The following TNFRSF10A variants were observed in gnomAD, a reference collection of about 807,000 sequenced individuals.
TNFRSF10A encodes tumor necrosis factor receptor superfamily member 10A.
In TNFRSF10A, 44 loss-of-function variants were observed where a neutral mutation model predicts 42.8. That is an observed-to-expected ratio of 1.03 (90% CI 0.81 to 1.32). The LOEUF (loss-of-function observed/expected upper bound fraction) is 1.32, where lower values mean the gene tolerates loss of function less well. Ranked by LOEUF, TNFRSF10A falls within the 40% of genes most tolerant of loss-of-function variation. The pLI, the probability that TNFRSF10A is intolerant of heterozygous loss-of-function variation, is 0.00. For missense variants in TNFRSF10A, 680 were observed against 602.0 expected (o/e 1.13, Z -1.36); for synonymous variants, 259 against 234.2 (o/e 1.11, Z -0.97).
intron 8 of TNFRSF10A, among the ~76,000 whole-genome samples, chr8:23,198,541 A>G (rs1800857477): frequency 6.6e-6 from 1 of 152,232 alleles, no homozygotes; most frequent in Non-Finnish European, 1.5e-5. Context: ...CTGAGAGACA[A>G]GACACTGATC....
chr8:23,215,732 G>A (rs1331745819), intron 1 of TNFRSF10A, among the ~76,000 whole-genome samples: 1 of 151,960 alleles, frequency 6.6e-6, no homozygotes, highest in African/African-American at 2.4e-5. Context: ...AATGGCTGTA[G>A]AGTTTGTAAT....
intron 1 of TNFRSF10A, 97 bp from the exon 2 acceptor site, chr8:23,212,309 G>C: frequency 9.7e-7 from 1 of 1,033,604 alleles, no homozygotes; most frequent in Non-Finnish European, 1.5e-6. Context: ...TCCAAAATTA[G>C]ACAGAACTTG....
chr8:23,203,787 T>C (rs1284613316), intron 2 of TNFRSF10A, among the ~76,000 whole-genome samples: 1 of 150,158 alleles, frequency 6.7e-6, no homozygotes, highest in Non-Finnish European at 1.5e-5. Flanking sequence ...AAGGCTTTTT[T>C]TTTTTTTTGA....
intron 1 of TNFRSF10A, among the ~76,000 whole-genome samples, chr8:23,219,048 G>C (rs1801222457): frequency 6.6e-6 from 1 of 152,054 alleles, no homozygotes; most frequent in Non-Finnish European, 1.5e-5. Context: ...CTGGAGTCAA[G>C]TAGGGAGGGA....
At chr8:23,211,191 A>G (rs1355154939) in intron 2 of TNFRSF10A, among the ~76,000 whole-genome samples, 1 of 152,192 alleles carries the variant, frequency 6.6e-6, no homozygotes, top group Non-Finnish European at 1.5e-5. Flanking sequence ...TAAGAATAAC[A>G]AACAAGTTCT....
Position 23,201,823 on chromosome 8 carries a change from C to G in TNFRSF10A, c.614G>C (p.Arg205Pro), listed in dbSNP as rs747279227. ...GTTGTCTCACCCTCTGCTGCACTTC[C>G]GGCACATCTCAGCAGAATTGTCATT... is the stretch of plus-strand genomic sequence containing the variant. ...FRNDNSAEMCRKCSRGCPRGM... is the reference protein window; with the variant it reads ...FRNDNSAEMCPKCSRGCPRGM... The change falls in exon 4 of 10, where the codon CGG becomes CCG. Residue 205 changes from arginine (R) to proline (P), a missense_variant. Transcript: ENST00000221132. 1.2e-6 allele frequency: 2 copies of G among 1,614,182 alleles called. No individual in the cohort carries two copies. Among genetic ancestry groups the G allele is most frequent in the Admixed American group, 1.7e-5 (1 of 60,030 alleles).
chr8:23,200,730 A>G lies in TNFRSF10A; in HGVS notation c.660T>C (p.Asp220=), dbSNP rs765507421. Residue 220 remains aspartate (D), a synonymous_variant, in exon 5 of 10, where the codon GAT becomes GAC. Transcript: ENST00000221132. ...GCPRGMVKVK[D]CTPWSDIECV... ...ACTCGATGTCACTCCAGGGCGTACA[A>G]TCCTTGACCTTGACCATCCCTCTGG... 3.8e-6 allele frequency: 6 copies of G among 1,588,158 alleles called. No homozygotes were observed. In the Admixed American group the frequency reaches 8.5e-5, roughly 22 times the overall value.
At chr8:23,192,688 A>G (rs1280752546) in intron 9 of TNFRSF10A, among the ~76,000 whole-genome samples, 1 of 152,254 alleles carries the variant, frequency 6.6e-6, no homozygotes, top group Non-Finnish European at 1.5e-5. Context: ...AAAAGAAAAA[A>G]GTGACATTCA....
Position 23,199,206 on chromosome 8 carries a change from C to A in TNFRSF10A, c.1014+60G>T. The A allele has an allele frequency of 3.8e-6, 6 of 1,569,074 alleles. No homozygotes were observed. The South Asian group carries it at 4.5e-5, about 12-fold the overall frequency. On this transcript the variant is annotated intron_variant, in intron 8 of 9. Coordinates refer to ENST00000221132, the MANE Select transcript of TNFRSF10A (RefSeq NM_003844.4). ...TCCACTTCCCCTTTGACCAGGAGAG[C>A]CGAGGCATGGCCTTCACCCCCTGCC...
chr8:23,221,419 C>G (rs558330863), intron 1 of TNFRSF10A, among the ~76,000 whole-genome samples: 1 of 152,316 alleles, frequency 6.6e-6, no homozygotes, highest in Admixed American at 6.5e-5. Flanking sequence ...TCAGAGCCAT[C>G]AGAATTTCTC....
chr8:23,208,734 G>A (rs1313378425), intron 2 of TNFRSF10A, among the ~76,000 whole-genome samples: 2 of 152,144 alleles, frequency 1.3e-5, no homozygotes, highest in South Asian at 2.1e-4. Context: ...GGGATTACAC[G>A]CATGAGCCAC....
rs1800948136 is a variant in TNFRSF10A, at chr8:23,202,635, A to T, written c.517+13T>A. On this transcript the variant is annotated intron_variant, in intron 3 of 9. Coordinates refer to ENST00000221132, the MANE Select transcript of TNFRSF10A (RefSeq NM_003844.4). ...CACTCCACCTCTGGACAAGAGGTCC[A>T]CACATTCTGTACCTGATTTACAAGC... is the stretch of plus-strand genomic sequence containing the variant. 6.2e-7 allele frequency: 1 copy of T among 1,608,656 alleles called. No homozygotes were observed.
intron 1 of TNFRSF10A, among the ~76,000 whole-genome samples, chr8:23,218,753 G>T (rs965180197): frequency 6.6e-6 from 1 of 152,174 alleles, no homozygotes; most frequent in Non-Finnish European, 1.5e-5. Flanking sequence ...CACTGCTGCT[G>T]CCCCGAGGGT....
intron 1 of TNFRSF10A, among the ~76,000 whole-genome samples, chr8:23,221,091 C>T (rs937837209): frequency 1.3e-5 from 2 of 152,334 alleles, no homozygotes; most frequent in Middle Eastern, 3.4e-3. Flanking sequence ...CTGCCCCAAG[C>T]TCAGAGAGCC....
At chr8:23,204,192 T>C (rs1326885306) in intron 2 of TNFRSF10A, among the ~76,000 whole-genome samples, 2 of 152,214 alleles carry the variant, frequency 1.3e-5, no homozygotes, top group Non-Finnish European at 2.9e-5. Flanking sequence ...ATAATAAAGC[T>C]TCTTGCTTAT....
chr8:23,217,512 G>A (rs1271326699), intron 1 of TNFRSF10A, among the ~76,000 whole-genome samples: 4 of 152,110 alleles, frequency 2.6e-5, no homozygotes, highest in African/African-American at 4.8e-5. Flanking sequence ...CACTGCGCCC[G>A]GCCTGAATTC....
Position 23,191,799 on chromosome 8 carries a change from C to A in TNFRSF10A, c.1302G>T (p.Arg434Ser), listed in dbSNP as rs767624370. The A allele has an allele frequency of 3.7e-6, 6 of 1,614,112 alleles. No homozygotes were observed. The highest frequency in any genetic ancestry group is 5.1e-6 in the Non-Finnish European group (6 of 1,180,004). ...TCTCTCTTGCATGTCTCTCTTCCAT[C>A]CTCTCCAAGGCATCCAGCAGGGTGT... Reference protein sequence around the residue: ...SIHTLLDALERMEERHAREKI... With the variant: ...SIHTLLDALESMEERHAREKI... The change falls in exon 10 of 10, where the codon AGG (arginine) becomes AGT (serine). Residue 434 changes from arginine to serine, a missense_variant. Physicochemically the swap from Arg to Ser is moderately radical, Grantham distance 110. Coordinates refer to ENST00000221132, the MANE Select transcript of TNFRSF10A (RefSeq NM_003844.4).
chr8:23,207,318 G>A (rs1801029541), intron 2 of TNFRSF10A: 2 of 596,498 alleles, frequency 3.4e-6, no homozygotes, highest in Non-Finnish European at 6.4e-6. Flanking sequence ...ATGTTCGACT[G>A]GCTCCTGATT....
chr8:23,211,871 A>C (rs1801095625), intron 2 of TNFRSF10A, among the ~76,000 whole-genome samples: 1 of 152,202 alleles, frequency 6.6e-6, no homozygotes, highest in Non-Finnish European at 1.5e-5. Context: ...ATTAACTGAA[A>C]ATGCATCAAG....
Sources: allele counts gnomAD v4.1 joint callset (sites outside exome capture counted in the v4.1 genomes callset), GRCh38; gene constraint gnomAD v4.1.1; transcripts MANE v1.5; gene names NCBI Gene and HGNC (gene_info 2026-07-23, HGNC 2026-07-21).